APAF1: variants seen among roughly 807,000 people sequenced by gnomAD.
APAF1 encodes apoptotic protease-activating factor 1.
APAF1 carries 91 observed loss-of-function variants against 152.4 expected under a neutral mutation model. The ratio of observed to expected loss-of-function variants is 0.60; its 90% CI spans 0.50 to 0.71. The LOEUF (loss-of-function observed/expected upper bound fraction) is 0.71, where lower values mean the gene tolerates loss of function less well. Among genes scored for constraint, APAF1 ranks in the 30% least tolerant of loss-of-function variants. The probability of loss-of-function intolerance (pLI) is 0.00; values close to 1 mark genes in which losing one functional copy is unlikely to be tolerated. For synonymous variants in APAF1, 484 were observed against 494.1 expected, an observed-to-expected ratio of 0.98 and a Z score of 0.27; for missense variants, 1,283 against 1,472.0, an observed-to-expected ratio of 0.87 and a Z score of 2.10.
Position 98,665,676 on chromosome 12 carries a change from A to G in APAF1, c.1079A>G (p.Asp360Gly), listed in dbSNP as rs758021604. The G allele has an allele frequency of 2.5e-6, 4 of 1,613,984 alleles. No homozygotes were observed. Among genetic ancestry groups the G allele is most frequent in the Middle Eastern group, 1.6e-4 (1 of 6,062 alleles). ...FKRIRKSSSY[D>G]YEALDEAMSI... ...AGAATAAGGAAATCTTCGTCTTATG[A>G]TTATGAGGCTCTAGATGAAGCCATG... The change falls in exon 8 of 27, where the codon GAT becomes GGT. Residue 360 changes from aspartate to glycine, a missense_variant. Coordinates refer to ENST00000551964, the MANE Select transcript of APAF1 (RefSeq NM_181861.2).
intron 1 of APAF1, among the ~76,000 whole-genome samples, chr12:98,647,270 T>A (rs1213437844): frequency 1.3e-4 from 18 of 141,840 alleles, no homozygotes; most frequent in East Asian, 2.1e-4. Flanking sequence ...AAAAAAAAAA[T>A]AAGACAAGGT....
At chr12:98,675,616 T>C (rs1384251017) in intron 12 of APAF1, among the ~76,000 whole-genome samples, 1 of 152,224 alleles carries the variant, frequency 6.6e-6, no homozygotes, top group Non-Finnish European at 1.5e-5. Flanking sequence ...AGCATTTACA[T>C]TGTACTAGGT....
chr12:98,669,336 T>C (rs1046234321), intron 10 of APAF1, among the ~76,000 whole-genome samples: 8 of 152,202 alleles, frequency 5.3e-5, no homozygotes, highest in Non-Finnish European at 8.8e-5. Context: ...AGTTTCTCTT[T>C]AGCCTTTTTT....
At chr12:98,716,309 A>G (rs1461713327) in intron 22 of APAF1, among the ~76,000 whole-genome samples, 2 of 152,224 alleles carry the variant, frequency 1.3e-5, no homozygotes, top group East Asian at 3.8e-4. Context: ...GCTTATGTGC[A>G]TGCACACGTT....
intron 20 of APAF1, 102 bp downstream of exon 20, chr12:98,708,806 A>G: frequency 1.7e-6 from 2 of 1,173,082 alleles, no homozygotes; most frequent in Non-Finnish European, 2.5e-6. Context: ...ATTATTTTGT[A>G]TCTAACAGGT....
At chr12:98,673,949 G>A (rs985990254) in intron 12 of APAF1, among the ~76,000 whole-genome samples, 1 of 152,128 alleles carries the variant, frequency 6.6e-6, no homozygotes, top group South Asian at 2.1e-4. Context: ...GTATCTGAGA[G>A]AATTAAAATT....
chr12:98,728,411 A>G (rs1483878841), intron 26 of APAF1, among the ~76,000 whole-genome samples: 1 of 152,180 alleles, frequency 6.6e-6, no homozygotes, highest in East Asian at 1.9e-4. Context: ...TATGGAGGTT[A>G]TAACTTTCCT....
intron 7 of APAF1, among the ~76,000 whole-genome samples, chr12:98,664,408 G>T (rs539546025): frequency 6.6e-6 from 1 of 152,108 alleles, no homozygotes; most frequent in African/African-American, 2.4e-5. Context: ...TTTTGAAAAT[G>T]TGTGAAACTA....
At chr12:98,704,515 AG>A (rs1254118530) in intron 18 of APAF1, among the ~76,000 whole-genome samples, 1 of 152,222 alleles carries the variant, frequency 6.6e-6, no homozygotes, top group African/African-American at 2.4e-5. Flanking sequence ...ATTACTGTGA[AG>A]GTGTTGGGGG....
At chr12:98,661,487 A>AC (rs2097665275) in intron 5 of APAF1, among the ~76,000 whole-genome samples, 1 of 151,364 alleles carries the variant, frequency 6.6e-6, no homozygotes, top group Non-Finnish European at 1.5e-5. Flanking sequence ...TTTTATTTTT[A>AC]TTTTTTTAGA....
chr12:98,706,566 G>A lies in APAF1; in HGVS notation c.2677G>A (p.Asp893Asn). The A allele has an allele frequency of 6.2e-7, 1 of 1,614,022 alleles. No individual in the cohort carries two copies. Among genetic ancestry groups the A allele is most frequent in the Non-Finnish European group, 8.5e-7 (1 of 1,179,922 alleles). ...SWVHGVMFSP[D>N]GSSFLTSSDD... ...GGTTCATGGTGTGATGTTTTCTCCTGATGGATCATCATTTTTGACATCTTC... is the reference window on the plus strand; with the variant it reads ...GGTTCATGGTGTGATGTTTTCTCCTAATGGATCATCATTTTTGACATCTTC... Residue 893 changes from aspartate (D) to asparagine (N), a missense_variant, in exon 19 of 27, where the codon GAT (aspartate) becomes AAT (asparagine). Coordinates refer to ENST00000551964, the MANE Select transcript of APAF1 (RefSeq NM_181861.2).
At chr12:98,700,203 G>A (rs935873593) in intron 17 of APAF1, among the ~76,000 whole-genome samples, 12 of 152,112 alleles carry the variant, frequency 7.9e-5, no homozygotes, top group Admixed American at 4.6e-4. Context: ...AAGAAGCAGC[G>A]GGTTACAGTA....
At chr12:98,705,424 A>T (rs568777645) in intron 18 of APAF1, among the ~76,000 whole-genome samples, 28 of 152,292 alleles carry the variant, frequency 1.8e-4, no homozygotes, top group African/African-American at 6.3e-4. Flanking sequence ...TTAGCTCTGT[A>T]TGTCCCAGCT....
chr12:98,714,631 A>T (rs1474963995), intron 21 of APAF1, among the ~76,000 whole-genome samples: 2 of 152,170 alleles, frequency 1.3e-5, no homozygotes, highest in Non-Finnish European at 2.9e-5. Context: ...CATCCCGCTC[A>T]TTTAGGAAGG....
At chr12:98,647,080 A>G (rs2097641885) in intron 1 of APAF1, among the ~76,000 whole-genome samples, 1 of 152,122 alleles carries the variant, frequency 6.6e-6, no homozygotes, top group African/African-American at 2.4e-5. Flanking sequence ...TAAAAAAGGA[A>G]GTATTTTATT....
At chr12:98,709,962 A>C (rs1028313080) in intron 20 of APAF1, among the ~76,000 whole-genome samples, 1 of 152,036 alleles carries the variant, frequency 6.6e-6, no homozygotes, top group Non-Finnish European at 1.5e-5. Context: ...TGCAACCTCC[A>C]CCTCCTGGGT....
intron 22 of APAF1, among the ~76,000 whole-genome samples, chr12:98,719,398 G>A (rs1449978680): frequency 6.6e-6 from 1 of 151,952 alleles, no homozygotes; most frequent in Non-Finnish European, 1.5e-5. Context: ...TTGCCAGGCT[G>A]GAGTGCAGTG....
intron 21 of APAF1, among the ~76,000 whole-genome samples, chr12:98,714,969 T>C (rs891021236): frequency 2.0e-5 from 3 of 150,872 alleles, no homozygotes; most frequent in Non-Finnish European, 4.4e-5. Context: ...ATATCCTGTC[T>C]CCCTCATCAT....
rs1318514424 is a variant in APAF1 at position 98,662,478 on chromosome 12, G to A, written c.733G>A (p.Val245Ile). The A allele has an allele frequency of 6.2e-7, 1 of 1,613,144 alleles. No homozygotes were observed. Among genetic ancestry groups the A allele is most frequent in the East Asian group, 2.2e-5 (1 of 44,766 alleles). Residue 245 changes from valine (V) to isoleucine (I), a missense_variant, in exon 6 of 27, where the codon GTT (valine) becomes ATT (isoleucine). Transcript: ENST00000551964. ...HPRSLLILDD[V>I]WDSWVLKAFD... ...TAGGTCTCTCTTGATCTTGGATGATGTTTGGGACTCTTGGGTGTTGAAAGC... is the reference window on the plus strand; with the variant it reads ...TAGGTCTCTCTTGATCTTGGATGATATTTGGGACTCTTGGGTGTTGAAAGC...
Sources: allele counts gnomAD v4.1 joint callset (sites outside exome capture counted in the v4.1 genomes callset), GRCh38; gene constraint gnomAD v4.1.1; transcripts MANE v1.5; gene names NCBI Gene and HGNC (gene_info 2026-07-23, HGNC 2026-07-21).